PRDM6: variants seen among roughly 807,000 people sequenced by gnomAD.
PRDM6 encodes putative histone-lysine N-methyltransferase PRDM6.
In PRDM6, 25 loss-of-function variants were observed where a neutral mutation model predicts 60.8. The observed-to-expected ratio is 0.41, with a 90% CI of 0.30 to 0.57. PRDM6 has a LOEUF of 0.57. PRDM6 is among the 20% of genes least tolerant of loss of function. The pLI is 0.27. For synonymous variants in PRDM6, 407 were observed against 357.4 expected (o/e 1.14, Z -1.57); for missense variants, 839 against 821.3 (o/e 1.02, Z -0.26).
intron 3 of PRDM6, among the ~76,000 whole-genome samples, chr5:123,100,319 C>T (rs1764072033): frequency 1.3e-5 from 2 of 152,170 alleles, no homozygotes; most frequent in African/African-American, 2.4e-5. Flanking sequence ...GGAGATGGAG[C>T]AGCGGAGGGT....
intron 3 of PRDM6, among the ~76,000 whole-genome samples, chr5:123,127,829 T>C (rs1470537137): frequency 1.3e-5 from 2 of 152,048 alleles, no homozygotes; most frequent in African/African-American, 2.4e-5. Flanking sequence ...GCAGGTTTCA[T>C]ACATAGGTAT....
chr5:123,157,899 G>A (rs1241633399), intron 4 of PRDM6, among the ~76,000 whole-genome samples: 7 of 152,148 alleles, frequency 4.6e-5, no homozygotes, highest in Non-Finnish European at 1.0e-4. Flanking sequence ...GCGTTGGGAC[G>A]CCATGAAGCT....
chr5:123,187,035 C>A, intron 7 of PRDM6, 52 bp from the exon 8 acceptor site: 1 of 1,343,438 alleles, frequency 7.4e-7, no homozygotes, highest in Non-Finnish European at 1.0e-6. Flanking sequence ...GGAAGCCCAT[C>A]ACCCTGCAGG....
chr5:123,151,970 C>G (rs1765378625), intron 3 of PRDM6, among the ~76,000 whole-genome samples: 1 of 151,916 alleles, frequency 6.6e-6, no homozygotes, highest in African/African-American at 2.4e-5. Flanking sequence ...CTTTGAAAGC[C>G]TGTGCTGGTA....
At chr5:123,137,186 G>T (rs767185460) in intron 3 of PRDM6, among the ~76,000 whole-genome samples, 11 of 152,198 alleles carry the variant, frequency 7.2e-5, no homozygotes, top group African/African-American at 1.2e-4. Flanking sequence ...CATATGTGTG[G>T]ACAGTGGGAT....
chr5:123,101,400 C>G (rs969313451), intron 3 of PRDM6, among the ~76,000 whole-genome samples: 2 of 152,050 alleles, frequency 1.3e-5, no homozygotes, highest in African/African-American at 4.8e-5. Flanking sequence ...CTGGAGTGCC[C>G]CGGCTCAAAG....
At chr5:123,163,640 C>T (rs1399741253) in intron 5 of PRDM6, among the ~76,000 whole-genome samples, 2 of 152,274 alleles carry the variant, frequency 1.3e-5, no homozygotes, top group Non-Finnish European at 1.5e-5. Context: ...CCTGAAGGAA[C>T]GCCTGTGTCG....
chr5:123,098,182 T>C lies in PRDM6; in HGVS notation c.593-1472T>C, dbSNP rs1342752466. ...TCCAGGGTGATCCAACAGGCCTGGCTGCGGCCAAGGCTGGCGGCGGCAGGT... is the reference window on the plus strand; with the variant it reads ...TCCAGGGTGATCCAACAGGCCTGGCCGCGGCCAAGGCTGGCGGCGGCAGGT... On this transcript the variant is annotated intron_variant, in intron 2 of 7. Coordinates refer to ENST00000407847, the MANE Select transcript of PRDM6 (RefSeq NM_001136239.4). Among the ~76,000 whole-genome samples the C allele has an allele frequency of 3.3e-5, 5 of 152,352 alleles. No individual in the cohort carries two copies. In the East Asian group the frequency reaches 9.7e-4, roughly 29 times the overall value.
intron 7 of PRDM6, 64 bp downstream of exon 7, chr5:123,180,387 A>G: frequency 6.8e-7 from 1 of 1,478,826 alleles, no homozygotes; most frequent in Non-Finnish European, 9.1e-7. Flanking sequence ...CAGCTGATGC[A>G]TCAGCACAGT....
intron 3 of PRDM6, among the ~76,000 whole-genome samples, chr5:123,137,073 A>G (rs393099): frequency 0.33 from 49,582 of 152,196 alleles, 8,513 homozygotes; most frequent in Middle Eastern, 0.37. Flanking sequence ...GGATGAAGTG[A>G]GATAATATAT....
chr5:123,155,393 T>C (rs921867037), intron 3 of PRDM6, among the ~76,000 whole-genome samples: 15 of 151,748 alleles, frequency 9.9e-5, no homozygotes, highest in Admixed American at 9.2e-4. Context: ...TTGCCAGTTC[T>C]TTACGGCTCC....
intron 3 of PRDM6, among the ~76,000 whole-genome samples, chr5:123,121,935 C>T (rs137941053): frequency 0.011 from 1,686 of 150,080 alleles, 34 homozygotes; most frequent in African/African-American, 0.039. Flanking sequence ...AGGCCAAGGC[C>T]GGCGGATCAC....
At chr5:123,128,847 T>G (rs1764753338) in intron 3 of PRDM6, among the ~76,000 whole-genome samples, 1 of 152,250 alleles carries the variant, frequency 6.6e-6, no homozygotes, top group Non-Finnish European at 1.5e-5. Flanking sequence ...TGCCCATGCC[T>G]ATGTCCTGAA....
At chr5:123,184,523 G>A (rs1766238945) in intron 7 of PRDM6, among the ~76,000 whole-genome samples, 1 of 152,066 alleles carries the variant, frequency 6.6e-6, no homozygotes, top group South Asian at 2.1e-4. Context: ...CGCATTACCT[G>A]CATCTTTTCT....
chr5:123,184,756 T>C (rs1766245180), intron 7 of PRDM6, among the ~76,000 whole-genome samples: 1 of 152,176 alleles, frequency 6.6e-6, no homozygotes, highest in Admixed American at 6.5e-5. Flanking sequence ...AAAACTGAAG[T>C]CCTTCTCTTA....
chr5:123,177,622 A>G (rs897470198), intron 6 of PRDM6, among the ~76,000 whole-genome samples: 7 of 152,328 alleles, frequency 4.6e-5, no homozygotes, highest in African/African-American at 1.7e-4. Context: ...ACACACACAC[A>G]CAACCATAGA....
chr5:123,096,905 CT>C (rs1763972449), intron 2 of PRDM6, among the ~76,000 whole-genome samples: 1 of 152,076 alleles, frequency 6.6e-6, no homozygotes, highest in South Asian at 2.1e-4. Flanking sequence ...GAGTTGGTAC[CT>C]ATGCTGATGT....
rs912494672 is a variant in PRDM6, at chr5:123,171,330, G to A, written c.1496+222G>A. 3.9e-5 allele frequency among the ~76,000 whole-genome samples: 6 copies of A among 152,266 alleles called. No individual in the cohort carries two copies. The East Asian group carries it at 5.8e-4, about 15-fold the overall frequency. On this transcript the variant is annotated intron_variant, in intron 6 of 7. Transcript: ENST00000407847. The stretch of plus-strand genomic sequence containing the variant: ...AGAGAGGAATCTGCACTTGCCTTCC[G>A]AACAGTTCTGCCCAAGCCTAAAAGA...
chr5:123,131,516 G>A (rs531205670), intron 3 of PRDM6, among the ~76,000 whole-genome samples: 9 of 152,276 alleles, frequency 5.9e-5, no homozygotes, highest in South Asian at 2.1e-4. Context: ...AGCATTTACC[G>A]TATGCCTGGC....
Sources: allele counts gnomAD v4.1 joint callset (sites outside exome capture counted in the v4.1 genomes callset), GRCh38; gene constraint gnomAD v4.1.1; transcripts MANE v1.5; gene names NCBI Gene and HGNC (gene_info 2026-07-23, HGNC 2026-07-21).